Variants in ZNF516 observed in about 807,000 individuals in gnomAD.
ZNF516 encodes zinc finger protein 516.
ZNF516 carries 19 observed loss-of-function variants against 79.7 expected under a neutral mutation model. That is an observed-to-expected ratio of 0.24 (90% CI 0.17 to 0.35). The LOEUF is 0.35. ZNF516 is among the 10% of genes least tolerant of loss of function. The pLI is 1.00. For missense variants in ZNF516, 1,678 were observed against 1,679.5 expected (o/e 1.00, Z 0.02); for synonymous variants, 877 against 739.5 (o/e 1.19, Z -3.02).
Position 76,379,736 on chromosome 18 carries a change from G to C in ZNF516, c.2378C>G (p.Pro793Arg), listed in dbSNP as rs368259098. The change falls in exon 4 of 7, where the codon CCG (proline) becomes CGG (arginine). Residue 793 changes from proline (P) to arginine (R), a missense_variant. Coordinates refer to ENST00000443185, the MANE Select transcript of ZNF516 (RefSeq NM_014643.4). ...TTTGTAACCATTGGGCTGAATCCAC[G>C]GGGGAGCCACGGAGTTGCAGCTGAC... Reference protein sequence around the residue: ...HRVSCNSVAPPWIQPNGYKSI... With the variant: ...HRVSCNSVAPRWIQPNGYKSI... The C allele has an allele frequency of 6.2e-7, 1 of 1,613,856 alleles. No individual in the cohort carries two copies. The highest frequency in any genetic ancestry group is 8.5e-7 in the Non-Finnish European group (1 of 1,179,880).
chr18:76,384,186 C>A (rs1218432259), intron 3 of ZNF516, among the ~76,000 whole-genome samples: 1 of 152,104 alleles, frequency 6.6e-6, no homozygotes, highest in Non-Finnish European at 1.5e-5. Context: ...AAATTAAGCG[C>A]CACCACTGGC....
intron 1 of ZNF516, among the ~76,000 whole-genome samples, chr18:76,479,010 C>T (rs978739462): frequency 6.6e-6 from 1 of 151,762 alleles, no homozygotes; most frequent in Admixed American, 6.6e-5. Flanking sequence ...GAGCCGAGAT[C>T]ATGCCACTGC....
intron 1 of ZNF516, among the ~76,000 whole-genome samples, chr18:76,478,836 C>A (rs1287229088): frequency 6.6e-6 from 1 of 152,096 alleles, no homozygotes; most frequent in Non-Finnish European, 1.5e-5. Flanking sequence ...CAGGCAGATC[C>A]CTTGAGGTCA....
intron 1 of ZNF516, among the ~76,000 whole-genome samples, chr18:76,484,097 C>G (rs1440924099): frequency 2.6e-5 from 4 of 152,240 alleles, no homozygotes; most frequent in African/African-American, 9.6e-5. Context: ...CTCAGCATGA[C>G]AACACGCTTA....
chr18:76,448,914 G>C (rs765751699), intron 2 of ZNF516, among the ~76,000 whole-genome samples: 2 of 152,182 alleles, frequency 1.3e-5, no homozygotes, highest in Non-Finnish European at 2.9e-5. Flanking sequence ...GGAGGGAAGC[G>C]ATTCACTATA....
chr18:76,405,662 T>A (rs1012614052), intron 3 of ZNF516, among the ~76,000 whole-genome samples: 5 of 151,900 alleles, frequency 3.3e-5, no homozygotes, highest in Non-Finnish European at 7.4e-5. Flanking sequence ...GAAACATTCA[T>A]CCCTTCAGAG....
chr18:76,419,962 A>G (rs1171048465), intron 3 of ZNF516, among the ~76,000 whole-genome samples: 1 of 152,248 alleles, frequency 6.6e-6, no homozygotes, highest in Admixed American at 6.5e-5. Flanking sequence ...AGGCCCACGC[A>G]TGTGGAGCGA....
intron 3 of ZNF516, among the ~76,000 whole-genome samples, chr18:76,425,590 G>A (rs2075582285): frequency 6.6e-6 from 1 of 152,222 alleles, no homozygotes; most frequent in Non-Finnish European, 1.5e-5. Flanking sequence ...CATCTGGGAA[G>A]CCCATGTCTC....
chr18:76,486,557 C>T (rs1439189779), intron 1 of ZNF516, among the ~76,000 whole-genome samples: 1 of 151,966 alleles, frequency 6.6e-6, no homozygotes, highest in Non-Finnish European at 1.5e-5. Context: ...AAACTAACAC[C>T]ACATCTTCCT....
intron 1 of ZNF516, among the ~76,000 whole-genome samples, chr18:76,464,126 C>A (rs1913295009): frequency 1.3e-5 from 2 of 152,066 alleles, no homozygotes; most frequent in Non-Finnish European, 2.9e-5. Context: ...GAGTTCAAGA[C>A]CAGCCTGGCC....
intron 1 of ZNF516, among the ~76,000 whole-genome samples, chr18:76,470,061 A>G (rs1404149436): frequency 1.3e-5 from 2 of 152,238 alleles, no homozygotes; most frequent in Non-Finnish European, 2.9e-5. Context: ...CCAAATAAGG[A>G]TGTCAGAGGT....
chr18:76,488,577 TTGAG>T (rs1338980706), intron 1 of ZNF516, among the ~76,000 whole-genome samples: 2 of 152,044 alleles, frequency 1.3e-5, no homozygotes, highest in African/African-American at 2.4e-5. Context: ...AAAGAACTAA[TTGAG>T]TGTGTCAGAA....
At chr18:76,489,762 A>C (rs79740011) in intron 1 of ZNF516, among the ~76,000 whole-genome samples, 1,964 of 152,266 alleles carry the variant, frequency 0.013, 45 homozygotes, top group African/African-American at 0.044. Context: ...CTCAAAGTTA[A>C]AGTTCTTGAT....
Position 76,360,632 on chromosome 18 carries a change from T to TAAAAAAAAAAAAA in ZNF516, c.*1853_*1865dup, listed in dbSNP as rs776977927. Reference sequence around the variant, plus strand: ...TGTAAGAATATCAGAAAAAAATAAGTAAAAAAAAAAAAAAATATATATATA... The same window carrying TAAAAAAAAAAAAA: ...TGTAAGAATATCAGAAAAAAATAAGTAAAAAAAAAAAAAAAAAAAAAAAAAAAATATATATATA... On this transcript the variant is annotated 3_prime_UTR_variant, in exon 7 of 7. Transcript: ENST00000443185. 2 of 25,718 alleles carry TAAAAAAAAAAAAA rather than the reference T, an allele frequency of 7.8e-5. No individual in the cohort carries two copies. The highest frequency in any genetic ancestry group is 1.2e-3 in the East Asian group (1 of 830). 1.6% of individuals were successfully genotyped at this position (25,718 alleles called of 1,614,324 possible).
At chr18:76,401,768 C>G (rs1417748725) in intron 3 of ZNF516, among the ~76,000 whole-genome samples, 133 of 57,976 alleles carry the variant, frequency 2.3e-3, no homozygotes, top group Non-Finnish European at 2.5e-3. Context: ...CCCCCGCGCT[C>G]CATCTCTCCA....
At chr18:76,366,542 C>T (rs2074615059) in intron 6 of ZNF516, among the ~76,000 whole-genome samples, 1 of 152,212 alleles carries the variant, frequency 6.6e-6, no homozygotes, top group Non-Finnish European at 1.5e-5. Flanking sequence ...AGCCACAAGA[C>T]ACCAAGTAAA....
intron 3 of ZNF516, chr18:76,389,408 T>A (rs573108661): frequency 2.0e-5 from 3 of 152,282 alleles, no homozygotes; most frequent in African/African-American, 7.2e-5. Context: ...GGAGAAGCCT[T>A]CAGCTGAGAA....
At position 76,441,629 on chromosome 18, in the gene ZNF516, G is replaced by A; in HGVS notation, c.1426C>T (p.Pro476Ser). The A allele has an allele frequency of 6.6e-7, 1 of 1,517,134 alleles. No homozygotes were observed. The highest frequency in any genetic ancestry group is 8.8e-7 in the Non-Finnish European group (1 of 1,132,916). The allele number at this position is 1,517,134 out of a possible 1,614,324, so 94.0% of individuals were successfully genotyped here. Residue 476 changes from proline to serine, a missense_variant, in exon 3 of 7, where the codon CCC (proline) becomes TCC (serine). By Grantham distance (74) the Pro-to-Ser change is moderately conservative (BLOSUM62 -1). Transcript: ENST00000443185. ...REQDAPAAQG[P>S]PRKRASGPGD... ...GGCCCGCTCGCGCGCTTCCGCGGGG[G>A]CCCCTGCGCGGCTGGTGCATCCTGC...
At position 76,404,556 on chromosome 18, in the gene ZNF516, GTGTT is replaced by G. The variant is rs758534999; in HGVS notation, c.1811-24257_1811-24254del. Among the ~76,000 whole-genome samples the G allele has an allele frequency of 1.5e-4, 23 of 151,902 alleles. No homozygotes were observed. The South Asian group carries it at 2.7e-3, about 18-fold the overall frequency. ...TGTGAACATGTGTGAACGTGTGCATGTGTTTGTATGTTTGTGAGTATGTAATGAG... is the reference window on the plus strand; with the variant it reads ...TGTGAACATGTGTGAACGTGTGCATGTGTATGTTTGTGAGTATGTAATGAG... On this transcript the variant is annotated intron_variant, in intron 3 of 6. Transcript: ENST00000443185.
Sources: allele counts gnomAD v4.1 joint callset (sites outside exome capture counted in the v4.1 genomes callset), GRCh38; gene constraint gnomAD v4.1.1; transcripts MANE v1.5; gene names NCBI Gene and HGNC (gene_info 2026-07-23, HGNC 2026-07-21).